The following DLG2 variants were observed in gnomAD, a reference collection of about 807,000 sequenced individuals.
The protein encoded by DLG2 is discs large MAGUK scaffold protein 2.
A neutral mutation model predicts 132.5 loss-of-function variants in DLG2; 45 were observed. That is an observed-to-expected ratio of 0.34 (90% CI 0.27 to 0.44). The LOEUF (loss-of-function observed/expected upper bound fraction) is 0.44, where lower values mean the gene tolerates loss of function less well. Among genes scored for constraint, DLG2 ranks in the 20% least tolerant of loss-of-function variants. The pLI, the probability that DLG2 is intolerant of heterozygous loss-of-function variation, is 1.00. For missense variants in DLG2, 1,045 were observed against 1,196.9 expected, an observed-to-expected ratio of 0.87 and a Z score of 1.87; for synonymous variants, 424 against 419.6, an observed-to-expected ratio of 1.01 and a Z score of -0.13.
intron 18 of DLG2, among the ~76,000 whole-genome samples, chr11:83,651,058 T>C (rs2070169567): frequency 6.6e-6 from 1 of 152,198 alleles, no homozygotes; most frequent in African/African-American, 2.4e-5. Flanking sequence ...TTATGACATA[T>C]CTTTTATGTT....
At chr11:85,581,638 A>C (rs1037603325) in intron 3 of DLG2, among the ~76,000 whole-genome samples, 1 of 151,898 alleles carries the variant, frequency 6.6e-6, no homozygotes. Flanking sequence ...AAAAACAAAC[A>C]AACAAACAAC....
At chr11:83,703,613 C>T (rs1298352130) in intron 18 of DLG2, among the ~76,000 whole-genome samples, 1 of 152,192 alleles carries the variant, frequency 6.6e-6, no homozygotes, top group Non-Finnish European at 1.5e-5. Context: ...AGCACCACTG[C>T]ACTCCAGCCT....
At chr11:84,002,314 G>C (rs1241136426) in intron 11 of DLG2, among the ~76,000 whole-genome samples, 1 of 152,152 alleles carries the variant, frequency 6.6e-6, no homozygotes, top group Admixed American at 6.5e-5. Context: ...CTGGAGGATG[G>C]GGGCCCTCTT....
intron 7 of DLG2, among the ~76,000 whole-genome samples, chr11:84,448,690 T>C (rs7104837): frequency 0.025 from 3,847 of 152,142 alleles, 169 homozygotes; most frequent in African/African-American, 0.085. Context: ...CTCTTCTATG[T>C]CCCTTATTGT....
At chr11:84,459,469 A>G (rs919104330) in intron 7 of DLG2, among the ~76,000 whole-genome samples, 2 of 150,814 alleles carry the variant, frequency 1.3e-5, no homozygotes, top group African/African-American at 2.4e-5. Flanking sequence ...TGTATTAAGT[A>G]TTAGAAATTT....
At chr11:84,979,530 C>G (rs2055421804) in intron 6 of DLG2, among the ~76,000 whole-genome samples, 1 of 152,000 alleles carries the variant, frequency 6.6e-6, no homozygotes, top group Non-Finnish European at 1.5e-5. Context: ...AGCTGGAAAC[C>G]ATCATTCTCA....
At chr11:84,874,156 TG>T (rs2085940796) in intron 6 of DLG2, among the ~76,000 whole-genome samples, 1 of 152,190 alleles carries the variant, frequency 6.6e-6, no homozygotes, top group African/African-American at 2.4e-5. Context: ...AAAAGATTGT[TG>T]GGGCATAACA....
intron 11 of DLG2, among the ~76,000 whole-genome samples, chr11:84,036,477 C>G (rs1031895667): frequency 6.6e-6 from 1 of 152,086 alleles, no homozygotes; most frequent in Non-Finnish European, 1.5e-5. Context: ...TGTCCCATCT[C>G]AATTCCATTA....
intron 3 of DLG2, among the ~76,000 whole-genome samples, chr11:85,544,228 G>A (rs1054238736): frequency 6.6e-6 from 1 of 152,016 alleles, no homozygotes; most frequent in Non-Finnish European, 1.5e-5. Context: ...GTTTTCCCAA[G>A]ACCACTTATT....
intron 3 of DLG2, among the ~76,000 whole-genome samples, chr11:85,330,792 T>TAAAAAAAAAAAAAAAAAAAAAAAATA (rs56995757): frequency 8.6e-6 from 1 of 116,488 alleles, no homozygotes; most frequent in Admixed American, 9.2e-5. Flanking sequence ...AAAAAAAAAT[T>TAAAAAAAAAAAAAAAAAAAAAAAATA]AAAAAAAAAA....
In DLG2 at chr11:85,356,225, G is replaced by A. The variant is rs77365913; in HGVS notation, c.41-70860C>T. 6.1e-3 allele frequency among the ~76,000 whole-genome samples: 925 copies of A among 152,254 alleles called. 27 individuals carry two copies. In the East Asian group the frequency reaches 0.087, roughly 14 times the overall value. On this transcript the variant is annotated intron_variant, in intron 3 of 27. Transcript: ENST00000376104. The stretch of plus-strand genomic sequence containing the variant: ...TCATCTTCAGCTGCTATAGCTCATA[G>A]TAATTCCATATTCTTTTTTTACTCC...
chr11:84,946,897 T>G (rs558563451), intron 6 of DLG2, among the ~76,000 whole-genome samples: 2 of 152,340 alleles, frequency 1.3e-5, no homozygotes, highest in East Asian at 3.9e-4. Context: ...TTCTGGCTGC[T>G]GAGATGAATG....
intron 19 of DLG2, among the ~76,000 whole-genome samples, chr11:83,601,994 T>G (rs2058646773): frequency 6.6e-6 from 1 of 152,122 alleles, no homozygotes. Context: ...CCCAAAGCAC[T>G]TTGCCACAGA....
intron 6 of DLG2, among the ~76,000 whole-genome samples, chr11:84,625,682 A>G (rs1214582588): frequency 6.6e-6 from 1 of 152,234 alleles, no homozygotes; most frequent in African/African-American, 2.4e-5. Context: ...AGTGACAGAC[A>G]CTTCCCTAAA....
intron 4 of DLG2, among the ~76,000 whole-genome samples, chr11:85,255,343 A>G (rs2076615030): frequency 6.6e-6 from 1 of 152,224 alleles, no homozygotes; most frequent in Admixed American, 6.5e-5. Flanking sequence ...AGGATATTAC[A>G]TACACAAACA....
intron 7 of DLG2, among the ~76,000 whole-genome samples, chr11:84,440,238 G>A (rs1007604089): frequency 2.0e-5 from 3 of 152,218 alleles, no homozygotes; most frequent in African/African-American, 7.2e-5. Flanking sequence ...TAAATAGGCA[G>A]TTGGAGGTAG....
intron 18 of DLG2, among the ~76,000 whole-genome samples, chr11:83,773,924 A>G (rs1029203093): frequency 1.2e-4 from 18 of 152,248 alleles, no homozygotes; most frequent in African/African-American, 4.3e-4. Context: ...CAAATACCTT[A>G]ATCTGAAGAG....
At chr11:83,463,153 GA>G (rs1483330369) in intron 26 of DLG2, among the ~76,000 whole-genome samples, 3 of 151,998 alleles carry the variant, frequency 2.0e-5, no homozygotes, top group Non-Finnish European at 2.9e-5. Context: ...ATTTAACGAA[GA>G]GTAATCTGGG....
chr11:83,568,064 A>G (rs1197981479), intron 19 of DLG2, among the ~76,000 whole-genome samples: 1 of 152,192 alleles, frequency 6.6e-6, no homozygotes, highest in Non-Finnish European at 1.5e-5. Context: ...TTCAAGGATC[A>G]TTCTGACTGC....
Sources: allele counts gnomAD v4.1 joint callset (sites outside exome capture counted in the v4.1 genomes callset), GRCh38; gene constraint gnomAD v4.1.1; transcripts MANE v1.5; gene names NCBI Gene and HGNC (gene_info 2026-07-23, HGNC 2026-07-21).